TXNDC12: variants seen among roughly 807,000 people sequenced by gnomAD.
TXNDC12 encodes thioredoxin domain containing 12, also known as thioredoxin domain-containing protein 12.
Under a neutral mutation model 24.2 loss-of-function variants are expected in TXNDC12, and 22 were observed. That is an observed-to-expected ratio of 0.91 (90% CI 0.65 to 1.30). The LOEUF (loss-of-function observed/expected upper bound fraction) is 1.30. TXNDC12 is among the 50% of genes most tolerant of loss of function. TXNDC12 has a pLI of 0.00. For synonymous variants in TXNDC12, 58 were observed against 73.4 expected (o/e 0.79, Z 1.07); for missense variants, 184 against 205.8 (o/e 0.89, Z 0.65).
Position 52,033,243 on chromosome 1 carries a change from T to C in TXNDC12, c.159-4613A>G, listed in dbSNP as rs765258154. 3.1e-6 allele frequency: 5 copies of C among 1,614,044 alleles called. No individual in the cohort carries two copies. In the South Asian group the frequency reaches 4.4e-5, roughly 14 times the overall value. ...CAGCCCCGGATTCTTCTCGCTCCAG[T>C]TCCTTGGGTACGTCGGCCTGGGCAC... On this transcript the variant is annotated intron_variant, in intron 2 of 6. Transcript: ENST00000371626.
At chr1:52,034,110 T>A in intron 2 of TXNDC12, 1 of 1,200,786 alleles carries the variant, frequency 8.3e-7, no homozygotes, top group African/African-American at 1.6e-5. Context: ...AGAAGGCAAT[T>A]AATAAATGCT....
intron 6 of TXNDC12, among the ~76,000 whole-genome samples, 171 bp from the exon 7 acceptor site, chr1:52,021,183 G>C (rs996182831): frequency 6.6e-6 from 1 of 152,084 alleles, no homozygotes; most frequent in East Asian, 1.9e-4. Flanking sequence ...CTTTGAATTT[G>C]TTTCCTCATT....
upstream of TXNDC12, chr1:52,055,282 G>A (rs1686317877): frequency 3.5e-6 from 2 of 576,484 alleles, no homozygotes; most frequent in Non-Finnish European, 6.3e-6. Context: ...GGTTTGGGAT[G>A]GAGTGAGCTT....
At chr1:52,024,435 G>T in intron 5 of TXNDC12, 75 bp downstream of exon 5, 1 of 1,163,602 alleles carries the variant, frequency 8.6e-7, no homozygotes, top group Non-Finnish European at 1.3e-6. Context: ...AGTTTCACTA[G>T]GTGAAGTCAG....
intron 6 of TXNDC12, among the ~76,000 whole-genome samples, chr1:52,022,183 G>A (rs567771794): frequency 2.0e-5 from 3 of 152,248 alleles, no homozygotes; most frequent in South Asian, 2.1e-4. Context: ...GAGTATCAAG[G>A]ACTCAAATCA....
chr1:52,023,673 G>T lies in TXNDC12; in HGVS notation c.356-99C>A, dbSNP rs943697909. 1.0e-5 allele frequency: 9 copies of T among 862,488 alleles called. No individual in the cohort carries two copies. The Admixed American group carries it at 1.7e-4, about 17-fold the overall frequency. 53.4% of individuals were successfully genotyped at this position (862,488 alleles called of 1,614,324 possible). On this transcript the variant is annotated intron_variant, in intron 5 of 6. Transcript: ENST00000371626. ...TCGGGCCCTCTGGGAAATAAGATCTGCCCATATTTGCAGCCCATTACCTCA... is the reference window on the plus strand; with the variant it reads ...TCGGGCCCTCTGGGAAATAAGATCTTCCCATATTTGCAGCCCATTACCTCA...
chr1:52,055,843 C>G (rs569258135), upstream of TXNDC12: 2 of 152,334 alleles, frequency 1.3e-5, no homozygotes, highest in East Asian at 1.9e-4. Flanking sequence ...CTTAGGACAC[C>G]AGGATATAAG....
intron 2 of TXNDC12, chr1:52,032,465 T>TG (rs3215957): frequency 0.047 from 61,361 of 1,307,024 alleles, 1,659 homozygotes; most frequent in East Asian, 0.11. Context: ...CTCTGTCCTC[T>TG]GAGGGATTTG....
chr1:52,032,272 G>A lies in TXNDC12; in HGVS notation c.159-3642C>T, dbSNP rs904981984. 5.0e-6 allele frequency: 5 copies of A among 991,790 alleles called. No homozygotes were observed. The African/African-American group carries it at 7.0e-5, about 14-fold the overall frequency. The allele number at this position is 991,790 out of a possible 1,614,324, so 61.4% of individuals were successfully genotyped here. On this transcript the variant is annotated intron_variant, in intron 2 of 6. Coordinates refer to ENST00000371626, the MANE Select transcript of TXNDC12 (RefSeq NM_015913.4). ...ACAGTACTCAAAAAATACTTTTGTG[G>A]TATGAAAAAAGGGCAGGTGCAGATG... is the stretch of plus-strand genomic sequence containing the variant.
At chr1:52,032,688 C>T in intron 2 of TXNDC12, 2 of 1,572,964 alleles carry the variant, frequency 1.3e-6, no homozygotes, top group Non-Finnish European at 1.7e-6. Flanking sequence ...TCCCCCCTAC[C>T]TCCTCTGGTC....
intron 6 of TXNDC12, 43 bp from the exon 7 acceptor site, chr1:52,021,055 T>C (rs1399776672): frequency 7.1e-7 from 1 of 1,414,770 alleles, no homozygotes; most frequent in South Asian, 1.2e-5. Flanking sequence ...AAGTAAGTAA[T>C]GTTTGACATT....
intron 1 of TXNDC12, among the ~76,000 whole-genome samples, chr1:52,045,903 C>A (rs1455733546): frequency 6.6e-6 from 1 of 152,128 alleles, no homozygotes; most frequent in African/African-American, 2.4e-5. Flanking sequence ...AACTGTGAGA[C>A]AATAAATTTC....
chr1:52,037,345 T>C (rs1002535553), intron 2 of TXNDC12, among the ~76,000 whole-genome samples: 1 of 151,954 alleles, frequency 6.6e-6, no homozygotes, highest in Non-Finnish European at 1.5e-5. Flanking sequence ...CCTGATTAGC[T>C]GGGATTACAG....
intron 1 of TXNDC12, chr1:52,051,889 C>G (rs1196840576): frequency 5.9e-6 from 1 of 169,260 alleles, no homozygotes; most frequent in Non-Finnish European, 1.5e-5. Context: ...GGGGTATAAT[C>G]TACTTCCCAA....
rs181185799 is a variant in TXNDC12, at chr1:52,026,853, T to C, written c.285+422A>G. Among the ~76,000 whole-genome samples the C allele has an allele frequency of 7.1e-3, 1,077 of 152,168 alleles. 14 individuals are homozygous for C. Among genetic ancestry groups the C allele is most frequent in the African/African-American group, 0.025 (1,037 of 41,506 alleles). On this transcript the variant is annotated intron_variant, in intron 4 of 6. Coordinates refer to ENST00000371626, the MANE Select transcript of TXNDC12 (RefSeq NM_015913.4). ...GAGTTTGAGACCAACCTGGCCAACA[T>C]GGCAAAACCCCATCTCTATTAAAAA...
At chr1:52,052,872 G>A (rs146596822) in intron 1 of TXNDC12, among the ~76,000 whole-genome samples, 1 of 152,150 alleles carries the variant, frequency 6.6e-6, no homozygotes, top group African/African-American at 2.4e-5. Context: ...TGCCCATTTT[G>A]CAGATGAGGA....
At chr1:52,024,357 T>G (rs1464316167) in intron 5 of TXNDC12, among the ~76,000 whole-genome samples, 153 bp downstream of exon 5, 1 of 152,216 alleles carries the variant, frequency 6.6e-6, no homozygotes, top group African/African-American at 2.4e-5. Flanking sequence ...GACTTGTAGT[T>G]CTAGCATTCA....
At chr1:52,038,721 A>G (rs1685929535) in intron 2 of TXNDC12, among the ~76,000 whole-genome samples, 2 of 152,154 alleles carry the variant, frequency 1.3e-5, no homozygotes. Context: ...AAGTTGCCAT[A>G]TAATGACTTT....
intron 2 of TXNDC12, chr1:52,033,151 TA>T: frequency 6.2e-7 from 1 of 1,613,866 alleles, no homozygotes; most frequent in South Asian, 1.1e-5. Flanking sequence ...TTCGGGAGAG[TA>T]AAAGGCACCG....
Sources: gnomAD v4.1 joint callset for allele counts (sites outside exome capture counted in the v4.1 genomes callset) on GRCh38, gnomAD v4.1.1 for gene constraint, MANE v1.5 for transcripts, NCBI Gene and HGNC (gene_info 2026-07-23, HGNC 2026-07-21) for gene names.